The following ASIC2 variants were observed in gnomAD, a reference collection of about 807,000 sequenced individuals.
ASIC2 encodes acid-sensing ion channel 2.
A neutral mutation model predicts 57.3 loss-of-function variants in ASIC2; 25 were observed. The observed-to-expected ratio is 0.44, with a 90% CI of 0.32 to 0.61. The LOEUF is 0.61. ASIC2 is among the 20% of genes least tolerant of loss of function. The pLI, the probability that ASIC2 is intolerant of heterozygous loss-of-function variation, is 0.06. For synonymous variants in ASIC2, 319 were observed against 307.5 expected, an observed-to-expected ratio of 1.04 and a Z score of -0.39; for missense variants, 641 against 738.1, an observed-to-expected ratio of 0.87 and a Z score of 1.52.
chr17:33,108,388 A>C (rs997910437), intron 2 of ASIC2, among the ~76,000 whole-genome samples: 3 of 152,124 alleles, frequency 2.0e-5, no homozygotes, highest in Non-Finnish European at 2.9e-5. Flanking sequence ...ATGTTAAGGA[A>C]GGGAGATGGC....
rs1307153207 is a variant in ASIC2 at position 33,044,273 on chromosome 17, TCCA to T, written c.988-15884_988-15882del. Among the ~76,000 whole-genome samples, 20 of 147,234 alleles carry T rather than the reference TCCA, an allele frequency of 1.4e-4. 1 individual carries two copies. Among genetic ancestry groups the T allele is most frequent in the African/African-American group, 5.3e-4 (20 of 37,680 alleles). On this transcript the variant is annotated intron_variant, in intron 3 of 9. Coordinates refer to ENST00000225823, the MANE Select transcript of ASIC2 (RefSeq NM_183377.2). ...GTTCATCCATCTACCCATCCATCCA[TCCA>T]TCCATCCATCCATCCATCCATCCAT...
At chr17:33,512,953 T>C (rs1487611311) in intron 1 of ASIC2, among the ~76,000 whole-genome samples, 1 of 152,220 alleles carries the variant, frequency 6.6e-6, no homozygotes, top group African/African-American at 2.4e-5. Flanking sequence ...GGAAGTGACT[T>C]GGCCAAGGTG....
chr17:33,250,400 G>A (rs563975917), intron 1 of ASIC2, among the ~76,000 whole-genome samples: 2 of 152,220 alleles, frequency 1.3e-5, no homozygotes, highest in Non-Finnish European at 2.9e-5. Flanking sequence ...CTACCATCTT[G>A]TAAATGTGTG....
At chr17:34,052,267 C>T (rs1017198173) in intron 1 of ASIC2, among the ~76,000 whole-genome samples, 4 of 152,290 alleles carry the variant, frequency 2.6e-5, no homozygotes, top group East Asian at 1.9e-4. Context: ...CATTTGAAAT[C>T]GTACTACTGC....
intron 1 of ASIC2, among the ~76,000 whole-genome samples, chr17:33,632,066 T>G (rs1247427381): frequency 1.3e-5 from 2 of 152,120 alleles, no homozygotes; most frequent in Admixed American, 1.3e-4. Context: ...CAGAACTGGG[T>G]TCAATTCCTG....
intron 1 of ASIC2, among the ~76,000 whole-genome samples, chr17:33,450,275 T>G (rs545940413): frequency 1.3e-5 from 2 of 152,332 alleles, no homozygotes; most frequent in East Asian, 3.9e-4. Flanking sequence ...AAAATGGTAG[T>G]ATGCAGACAC....
At chr17:33,827,720 TCTTTTA>T (rs1267264750) in intron 1 of ASIC2, 1 of 152,086 alleles carries the variant, frequency 6.6e-6, no homozygotes, top group Non-Finnish European at 1.5e-5. Flanking sequence ...TTTTCTTTTT[TCTTTTA>T]CTTTAAGTTC....
intron 1 of ASIC2, among the ~76,000 whole-genome samples, chr17:33,141,568 T>TAA (rs1278120157): frequency 1.1e-4 from 17 of 152,186 alleles, no homozygotes; most frequent in Non-Finnish European, 2.4e-4. Flanking sequence ...ACTGTGACTG[T>TAA]GGGTTTGACC....
chr17:33,546,566 T>C (rs1280266104), intron 1 of ASIC2, among the ~76,000 whole-genome samples: 1 of 152,144 alleles, frequency 6.6e-6, no homozygotes, highest in Non-Finnish European at 1.5e-5. Flanking sequence ...TGTAACCTCC[T>C]TGACTTGTGT....
At chr17:33,946,455 C>T (rs1032041283) in intron 1 of ASIC2, among the ~76,000 whole-genome samples, 2 of 152,176 alleles carry the variant, frequency 1.3e-5, no homozygotes, top group Non-Finnish European at 2.9e-5. Flanking sequence ...AAATAAAGAC[C>T]TATTAAATGC....
chr17:34,122,822 C>T (rs765550512), intron 1 of ASIC2, among the ~76,000 whole-genome samples: 19 of 152,176 alleles, frequency 1.2e-4, no homozygotes, highest in South Asian at 2.1e-4. Flanking sequence ...ATCAGAGCAG[C>T]GCTCCTGACA....
At chr17:33,824,186 G>A (rs1025060746) in intron 1 of ASIC2, among the ~76,000 whole-genome samples, 4 of 152,102 alleles carry the variant, frequency 2.6e-5, no homozygotes, top group Non-Finnish European at 4.4e-5. Flanking sequence ...GAGATAAAGG[G>A]TATTATTTTT....
At chr17:33,132,063 G>A in intron 1 of ASIC2, among the ~76,000 whole-genome samples, 1 of 152,144 alleles carries the variant, frequency 6.6e-6, no homozygotes, top group East Asian at 1.9e-4. Flanking sequence ...TGGATGCTGG[G>A]CACCATCAAT....
chr17:33,209,463 C>T (rs1029974025), intron 1 of ASIC2, among the ~76,000 whole-genome samples: 6 of 152,154 alleles, frequency 3.9e-5, no homozygotes, highest in African/African-American at 1.4e-4. Context: ...AGCCAGATAA[C>T]TCTTTGTGAC....
At chr17:33,981,862 A>T (rs1428634804) in intron 1 of ASIC2, among the ~76,000 whole-genome samples, 1 of 152,212 alleles carries the variant, frequency 6.6e-6, no homozygotes, top group Non-Finnish European at 1.5e-5. Context: ...TTGCAACATT[A>T]TCTAAGGTCA....
chr17:33,778,341 T>A (rs892834310), intron 1 of ASIC2, among the ~76,000 whole-genome samples: 1 of 152,168 alleles, frequency 6.6e-6, no homozygotes, highest in Non-Finnish European at 1.5e-5. Flanking sequence ...GTCGTGCCTG[T>A]ACCAGCCACA....
intron 1 of ASIC2, among the ~76,000 whole-genome samples, chr17:33,367,692 G>T (rs956795965): frequency 1.3e-5 from 2 of 152,170 alleles, no homozygotes; most frequent in African/African-American, 4.8e-5. Flanking sequence ...TTGCTTTTCA[G>T]AAAGATCTTT....
At chr17:33,441,959 A>T (rs957503542) in intron 1 of ASIC2, among the ~76,000 whole-genome samples, 1 of 152,206 alleles carries the variant, frequency 6.6e-6, no homozygotes, top group African/African-American at 2.4e-5. Flanking sequence ...AATGAGTGAG[A>T]AAATATATTT....
At chr17:33,883,225 C>G (rs1222657430) in intron 1 of ASIC2, among the ~76,000 whole-genome samples, 1 of 151,726 alleles carries the variant, frequency 6.6e-6, no homozygotes, top group Non-Finnish European at 1.5e-5. Context: ...GCACATGTAC[C>G]CTAAAACTTA....
Sources: gnomAD v4.1 joint callset for allele counts (sites outside exome capture counted in the v4.1 genomes callset) on GRCh38, gnomAD v4.1.1 for gene constraint, MANE v1.5 for transcripts, NCBI Gene and HGNC (gene_info 2026-07-23, HGNC 2026-07-21) for gene names.